The following ADGRL4 variants were observed in gnomAD, a reference collection of about 807,000 sequenced individuals.
ADGRL4 encodes adhesion G protein-coupled receptor L4.
A neutral mutation model predicts 74.8 loss-of-function variants in ADGRL4; 90 were observed. The ratio of observed to expected loss-of-function variants is 1.20; its 90% CI spans 1.02 to 1.43. The LOEUF (loss-of-function observed/expected upper bound fraction) is 1.43, where lower values mean the gene tolerates loss of function less well. Ranked by LOEUF, ADGRL4 falls within the 40% of genes most tolerant of loss-of-function variation. ADGRL4 has a pLI of 0.00. For synonymous variants in ADGRL4, 311 were observed against 279.2 expected, an observed-to-expected ratio of 1.11 and a Z score of -1.14; for missense variants, 881 against 814.3, an observed-to-expected ratio of 1.08 and a Z score of -1.00.
At chr1:78,896,656 C>T (rs1648406371) in intron 12 of ADGRL4, among the ~76,000 whole-genome samples, 1 of 152,216 alleles carries the variant, frequency 6.6e-6, no homozygotes, top group South Asian at 2.1e-4. Context: ...CCTAATTGAT[C>T]TCTCTTCTGC....
At chr1:78,921,559 G>A in intron 9 of ADGRL4, 54 bp downstream of exon 9, 2 of 1,168,076 alleles carry the variant, frequency 1.7e-6, no homozygotes, top group Non-Finnish European at 2.3e-6. Flanking sequence ...GAATGATGCG[G>A]AAAAAAAACA....
intron 2 of ADGRL4, among the ~76,000 whole-genome samples, chr1:78,981,076 A>T (rs1650388690): frequency 6.6e-6 from 1 of 151,816 alleles, no homozygotes; most frequent in African/African-American, 2.4e-5. Context: ...AATCTTTGTG[A>T]CACCTCTCAG....
intron 2 of ADGRL4, among the ~76,000 whole-genome samples, chr1:78,975,833 A>T (rs546126794): frequency 1.3e-5 from 2 of 152,024 alleles, no homozygotes; most frequent in African/African-American, 4.8e-5. Flanking sequence ...GTTTTGAAAC[A>T]CTTTCTTTTT....
intron 7 of ADGRL4, among the ~76,000 whole-genome samples, chr1:78,929,174 C>A (rs182575863): frequency 6.6e-6 from 1 of 151,392 alleles, no homozygotes; most frequent in Non-Finnish European, 1.5e-5. Context: ...AATTCTCAAC[C>A]CTTCCTCCTT....
Position 78,939,235 on chromosome 1 carries a change from A to T in ADGRL4, c.349T>A (p.Leu117Ile). ...CIENVNANCH[L>I]DNVCIAANIN... The stretch of plus-strand genomic sequence containing the variant: ...TTTGCAGCTATACAGACATTATCTA[A>T]ATGGCAGTTTGCATTCACATTTTCT... The change falls in exon 4 of 15, where the codon TTA becomes ATA. Residue 117 changes from leucine (L) to isoleucine (I), a missense_variant. Coordinates refer to ENST00000370742, the MANE Select transcript of ADGRL4 (RefSeq NM_022159.4). 1 of 1,567,202 alleles carries T rather than the reference A, an allele frequency of 6.4e-7. No homozygotes were observed. The highest frequency in any genetic ancestry group is 1.4e-5 in the African/African-American group (1 of 72,952).
chr1:78,930,447 A>ATTT (rs750792474), intron 7 of ADGRL4, among the ~76,000 whole-genome samples: 14 of 97,276 alleles, frequency 1.4e-4, no homozygotes, highest in African/African-American at 2.6e-4. Context: ...GGAAAAGCTG[A>ATTT]TTTTTTTTTT....
rs67005634 is a variant in ADGRL4 at position 78,999,788 on chromosome 1, A to ATATCTATCTATC, written c.172+5270_172+5281dup. Among the ~76,000 whole-genome samples, 712 of 141,766 alleles carry ATATCTATCTATC rather than the reference A, an allele frequency of 5.0e-3. 3 individuals carry two copies. Among genetic ancestry groups the ATATCTATCTATC allele is most frequent in the South Asian group, 6.0e-3 (26 of 4,352 alleles). The allele number at this position is 141,766 out of a possible 152,430, so 93.0% of individuals were successfully genotyped here. On this transcript the variant is annotated intron_variant, in intron 2 of 14. Transcript: ENST00000370742. ...TATTATATGATACACATCTATAGTT[A>ATATCTATCTATC]TATCTATCTATCTATCTATCTATCT...
At chr1:78,965,025 T>TAA (rs5775470) in intron 2 of ADGRL4, among the ~76,000 whole-genome samples, 13,620 of 151,874 alleles carry the variant, frequency 0.09, 826 homozygotes, top group East Asian at 0.34. Context: ...TAAATAGTCT[T>TAA]AAAAAAAACT....
chr1:78,898,851 G>T, intron 12 of ADGRL4, among the ~76,000 whole-genome samples: 1 of 152,078 alleles, frequency 6.6e-6, no homozygotes, highest in South Asian at 2.1e-4. Flanking sequence ...TTTGTTGTTT[G>T]ACAGTGTGTT....
rs193034524 is a variant in ADGRL4, at chr1:78,993,031, T to C, written c.172+12039A>G. On this transcript the variant is annotated intron_variant, in intron 2 of 14. Transcript: ENST00000370742. ...TAAACATGTAAATTTTAGTTGATTG[T>C]AACACTGCTTAACAGTAGAAAAATA... 3.1e-3 allele frequency among the ~76,000 whole-genome samples: 471 copies of C among 152,244 alleles called. 3 individuals are homozygous for C. The highest frequency in any genetic ancestry group is 0.011 in the African/African-American group (458 of 41,574).
In ADGRL4 at chr1:78,982,133, T is replaced by G. The variant is rs186354373; in HGVS notation, c.172+22937A>C. 2.6e-3 allele frequency among the ~76,000 whole-genome samples: 399 copies of G among 152,034 alleles called. 1 individual carries two copies. Among genetic ancestry groups the G allele is most frequent in the Non-Finnish European group, 3.7e-3 (253 of 67,880 alleles). The stretch of plus-strand genomic sequence containing the variant: ...TTTGTTATAGAATTCCAAATTTAAG[T>G]TTAATCTTACTCACTAAAACACTTT... On this transcript the variant is annotated intron_variant, in intron 2 of 14. Coordinates refer to ENST00000370742, the MANE Select transcript of ADGRL4 (RefSeq NM_022159.4).
chr1:79,005,814 ACT>A (rs1650950611), intron 1 of ADGRL4, among the ~76,000 whole-genome samples: 1 of 152,188 alleles, frequency 6.6e-6, no homozygotes, highest in Non-Finnish European at 1.5e-5. Flanking sequence ...AATTTATTTC[ACT>A]GTTTTTATTT....
In ADGRL4 at chr1:78,927,099, T is replaced by C; in HGVS notation, c.878-8A>G. On this transcript the variant is annotated splice_region_variant and splice_polypyrimidine_tract_variant and intron_variant, in intron 7 of 14. Coordinates refer to ENST00000370742, the MANE Select transcript of ADGRL4 (RefSeq NM_022159.4). ...ATGCAACTGCAACATTGCCTATCAA[T>C]CAAATAAGTATATTTAGTGAAATTC... The C allele has an allele frequency of 1.3e-6, 2 of 1,522,262 alleles. No individual in the cohort carries two copies. Among genetic ancestry groups the C allele is most frequent in the Non-Finnish European group, 1.8e-6 (2 of 1,100,394 alleles). The allele number at this position is 1,522,262 out of a possible 1,614,324, so 94.3% of individuals were successfully genotyped here. A position where few individuals can be genotyped will look rare whatever the true frequency, so the allele number is the denominator to read the frequency against.
At chr1:78,980,254 C>A (rs1471782954) in intron 2 of ADGRL4, among the ~76,000 whole-genome samples, 1 of 151,460 alleles carries the variant, frequency 6.6e-6, no homozygotes, top group Non-Finnish European at 1.5e-5. Flanking sequence ...TCTCAATGCC[C>A]TTATTCTTAC....
At position 78,917,645 on chromosome 1, in the gene ADGRL4, G is replaced by A; in HGVS notation, c.1738C>T (p.Leu580=). 1 of 1,599,682 alleles carries A rather than the reference G, an allele frequency of 6.3e-7. No individual in the cohort carries two copies. Among genetic ancestry groups the A allele is most frequent in the Non-Finnish European group, 8.5e-7 (1 of 1,171,732 alleles). ...FIWSFIGPAC[L]IILVNLLAFG... ...TTATATATACATACAAGAATGATTA[G>A]GCATGCTGGTCCTATAAAACTCCAA... The change falls in exon 12 of 15, where the codon CTA becomes TTA. Residue 580 remains leucine, a synonymous_variant. Coordinates refer to ENST00000370742, the MANE Select transcript of ADGRL4 (RefSeq NM_022159.4).
intron 2 of ADGRL4, among the ~76,000 whole-genome samples, chr1:78,965,999 A>C (rs113444474): frequency 2.9e-4 from 44 of 152,200 alleles, no homozygotes; most frequent in East Asian, 1.7e-3. Flanking sequence ...ACCAAAAAAA[A>C]AAAAACAAAA....
chr1:78,903,468 A>C (rs1254138747), intron 12 of ADGRL4, among the ~76,000 whole-genome samples: 2 of 152,128 alleles, frequency 1.3e-5, no homozygotes, highest in Non-Finnish European at 2.9e-5. Flanking sequence ...ATCCATGAAG[A>C]TCTAATCAGA....
At chr1:78,982,959 G>GA (rs1047090468) in intron 2 of ADGRL4, among the ~76,000 whole-genome samples, 1 of 151,718 alleles carries the variant, frequency 6.6e-6, no homozygotes, top group Non-Finnish European at 1.5e-5. Context: ...TCCTCATCAG[G>GA]AAAAATAAAA....
At chr1:78,966,331 A>G (rs1010933824) in intron 2 of ADGRL4, among the ~76,000 whole-genome samples, 4 of 152,118 alleles carry the variant, frequency 2.6e-5, no homozygotes, top group African/African-American at 9.7e-5. Context: ...TTTGCCTAAT[A>G]AATTCCATTA....
Sources: gnomAD v4.1 joint callset for allele counts (sites outside exome capture counted in the v4.1 genomes callset) on GRCh38, gnomAD v4.1.1 for gene constraint, MANE v1.5 for transcripts, NCBI Gene and HGNC (gene_info 2026-07-23, HGNC 2026-07-21) for gene names.